ANKFN1: variants seen among roughly 807,000 people sequenced by gnomAD.
ANKFN1 encodes the protein ankyrin repeat and fibronectin type-III domain-containing protein 1.
Under a neutral mutation model 108.7 loss-of-function variants are expected in ANKFN1, and 74 were observed. The ratio of observed to expected loss-of-function variants is 0.68; its 90% CI spans 0.56 to 0.83. The LOEUF (loss-of-function observed/expected upper bound fraction) is 0.83, where lower values mean the gene tolerates loss of function less well. Among genes scored for constraint, ANKFN1 ranks in the 40% least tolerant of loss-of-function variants. The probability of loss-of-function intolerance (pLI) is 0.00; values close to 1 mark genes in which losing one functional copy is unlikely to be tolerated. For synonymous variants in ANKFN1, 547 were observed against 516.2 expected, an observed-to-expected ratio of 1.06 and a Z score of -0.81; for missense variants, 1,505 against 1,382.3, an observed-to-expected ratio of 1.09 and a Z score of -1.41.
In ANKFN1 at chr17:56,124,012, C is replaced by T. The variant is rs549785393; in HGVS notation, c.288+77687C>T. Among the ~76,000 whole-genome samples the T allele has an allele frequency of 2.4e-4, 36 of 152,222 alleles. 1 individual carries two copies. Among genetic ancestry groups the T allele is most frequent in the African/African-American group, 6.5e-4 (27 of 41,526 alleles). On this transcript the variant is annotated intron_variant, in intron 4 of 12. Coordinates refer to the ANKFN1 transcript ENST00000635860. ...TTAGTCACACCTGCTGACCAGTAGA[C>T]GAGGGGTCCATGGTGCGCAGAAAAC...
intron 20 of ANKFN1, 23 bp from the exon 21 acceptor site, chr17:56,510,450 A>C (rs1050380524): frequency 1.3e-6 from 2 of 1,529,578 alleles, no homozygotes; most frequent in Non-Finnish European, 1.7e-6. Flanking sequence ...TATTTTTCCT[A>C]ACCTCAGTTT....
At chr17:56,402,974 A>G (rs1313150835) in intron 8 of ANKFN1, among the ~76,000 whole-genome samples, 2 of 151,998 alleles carry the variant, frequency 1.3e-5, no homozygotes, top group Non-Finnish European at 2.9e-5. Flanking sequence ...AAGGAGCAGT[A>G]TGCCTGTATT....
intron 4 of ANKFN1, among the ~76,000 whole-genome samples, chr17:56,332,711 C>T (rs1373330186): frequency 6.6e-6 from 1 of 151,952 alleles, no homozygotes; most frequent in African/African-American, 2.4e-5. Flanking sequence ...TCCTGTATGT[C>T]TTAATTACTG....
intron 11 of ANKFN1, among the ~76,000 whole-genome samples, chr17:56,452,226 G>A (rs1191212940): frequency 1.3e-5 from 2 of 152,156 alleles, no homozygotes; most frequent in Admixed American, 1.3e-4. Context: ...GTAGGGGCTA[G>A]ACATGCCAAC....
rs148244976 is a variant in ANKFN1, at chr17:56,334,060, A to G, written c.188+7705A>G. 1.0e-2 allele frequency among the ~76,000 whole-genome samples: 1,520 copies of G among 152,288 alleles called. 22 individuals are homozygous for G. Among genetic ancestry groups the G allele is most frequent in the African/African-American group, 0.034 (1,409 of 41,576 alleles). ...ATTATTAAATATTAAGTATTATTAA[A>G]TTAAAATAACATCTAACAATTGAAT... On this transcript the variant is annotated intron_variant, in intron 4 of 20. Coordinates refer to ENST00000682825, the MANE Select transcript of ANKFN1 (RefSeq NM_001370326.1).
At chr17:56,199,386 A>AT (rs1193104658) in intron 1 of ANKFN1, among the ~76,000 whole-genome samples, 1 of 151,884 alleles carries the variant, frequency 6.6e-6, no homozygotes, top group African/African-American at 2.4e-5. Context: ...TTTTAAGAAG[A>AT]TATTTTCTGA....
intron 4 of ANKFN1, among the ~76,000 whole-genome samples, chr17:56,053,192 A>G (rs1232037493): frequency 6.6e-6 from 1 of 152,136 alleles, no homozygotes; most frequent in Non-Finnish European, 1.5e-5. Flanking sequence ...AAGTGTATGT[A>G]TCTGTGGGGA....
intron 1 of ANKFN1, among the ~76,000 whole-genome samples, chr17:56,166,901 C>A (rs1327593474): frequency 6.6e-6 from 1 of 152,130 alleles, no homozygotes; most frequent in Non-Finnish European, 1.5e-5. Flanking sequence ...TAAAATCAGA[C>A]AACCTATGTT....
At chr17:56,446,276 A>T (rs2049284576) in intron 10 of ANKFN1, among the ~76,000 whole-genome samples, 8 of 152,180 alleles carry the variant, frequency 5.3e-5, no homozygotes. Flanking sequence ...AGGGACGCGT[A>T]GTAATTCAGC....
chr17:56,404,202 TCTAGGTCA>T (rs1459595659), intron 8 of ANKFN1, among the ~76,000 whole-genome samples: 1 of 152,198 alleles, frequency 6.6e-6, no homozygotes, highest in African/African-American at 2.4e-5. Context: ...TATTTGGATG[TCTAGGTCA>T]CTAGCAAGGC....
chr17:56,419,279 C>T (rs1291017181), intron 8 of ANKFN1, among the ~76,000 whole-genome samples: 1 of 151,874 alleles, frequency 6.6e-6, no homozygotes, highest in South Asian at 2.1e-4. Flanking sequence ...GTCTGGAATT[C>T]GAGACCAGCC....
rs140559635 is a variant in ANKFN1 at position 56,312,622 on chromosome 17, G to A, written c.54-13599G>A. On this transcript the variant is annotated intron_variant, in intron 3 of 20. Coordinates refer to ENST00000682825, the MANE Select transcript of ANKFN1 (RefSeq NM_001370326.1). Reference sequence around the variant, plus strand: ...AGTTTTTCAGTCTTTGCTACCTGTCGCCTGCTGGAAAGGTCACTAGCTTCC... The same window carrying A: ...AGTTTTTCAGTCTTTGCTACCTGTCACCTGCTGGAAAGGTCACTAGCTTCC... Among the ~76,000 whole-genome samples, 688 of 152,068 alleles carry A rather than the reference G, an allele frequency of 4.5e-3. 3 individuals are homozygous for A. The highest frequency in any genetic ancestry group is 0.017 in the Middle Eastern group (5 of 294).
At chr17:56,196,554 T>C (rs2159975) in intron 1 of ANKFN1, among the ~76,000 whole-genome samples, 113,147 of 151,846 alleles carry the variant, frequency 0.75, 43,161 homozygotes, top group East Asian at 0.94. Context: ...GGAAACATAA[T>C]GAGACCCCTG....
At chr17:56,435,044 C>G (rs2145134370) in intron 8 of ANKFN1, among the ~76,000 whole-genome samples, 1 of 152,148 alleles carries the variant, frequency 6.6e-6, no homozygotes, top group East Asian at 1.9e-4. Flanking sequence ...AGTGAAGAGT[C>G]CAGGATGCTT....
chr17:56,219,017 C>T (rs1915649003), intron 2 of ANKFN1, among the ~76,000 whole-genome samples: 1 of 152,144 alleles, frequency 6.6e-6, no homozygotes, highest in Non-Finnish European at 1.5e-5. Context: ...ATTGCAGAGT[C>T]ATTTTCTAAT....
At chr17:56,125,999 G>T (rs8065311) in intron 4 of ANKFN1, among the ~76,000 whole-genome samples, 46,900 of 151,972 alleles carry the variant, frequency 0.31, 8,953 homozygotes, top group East Asian at 0.53. Context: ...AAATTTGCAC[G>T]GGGAAGCATT....
chr17:56,073,343 C>T (rs1250494436), intron 4 of ANKFN1, among the ~76,000 whole-genome samples: 3 of 152,188 alleles, frequency 2.0e-5, no homozygotes, highest in African/African-American at 4.8e-5. Context: ...TCAAACACAT[C>T]GAAACATTGA....
At chr17:56,283,649 A>G (rs2144260422) in intron 3 of ANKFN1, among the ~76,000 whole-genome samples, 1 of 152,182 alleles carries the variant, frequency 6.6e-6, no homozygotes, top group Admixed American at 6.5e-5. Flanking sequence ...TGGAAAACCA[A>G]ACATCATATG....
At chr17:56,052,383 A>T (rs1904793398) in intron 4 of ANKFN1, among the ~76,000 whole-genome samples, 1 of 152,190 alleles carries the variant, frequency 6.6e-6, no homozygotes, top group Non-Finnish European at 1.5e-5. Flanking sequence ...TTCAGGAAGG[A>T]AAGGAAGCCT....
Sources: gnomAD v4.1 joint callset for allele counts (sites outside exome capture counted in the v4.1 genomes callset) on GRCh38, gnomAD v4.1.1 for gene constraint, MANE v1.5 for transcripts, NCBI Gene and HGNC (gene_info 2026-07-23, HGNC 2026-07-21) for gene names.